Variants in EML6 observed in about 807,000 individuals in gnomAD.
The protein encoded by EML6 is EMAP like 6.
In EML6, 154 loss-of-function variants were observed where a neutral mutation model predicts 240.1. The ratio of observed to expected loss-of-function variants is 0.64; its 90% CI spans 0.56 to 0.73. The LOEUF (loss-of-function observed/expected upper bound fraction) is 0.73, where lower values mean the gene tolerates loss of function less well. Ranked by LOEUF, EML6 falls within the 30% of genes least tolerant of loss-of-function variation. The pLI, the probability that EML6 is intolerant of heterozygous loss-of-function variation, is 0.00. For missense variants in EML6, 2,964 were observed against 2,474.6 expected (o/e 1.20, Z -4.20); for synonymous variants, 1,148 against 899.0 (o/e 1.28, Z -4.95).
At chr2:54,779,972 G>A (rs1167846532) in intron 2 of EML6, among the ~76,000 whole-genome samples, 1 of 151,838 alleles carries the variant, frequency 6.6e-6, no homozygotes, top group Non-Finnish European at 1.5e-5. Context: ...CAAGATGATT[G>A]TAAAACCTTC....
At position 54,970,302 on chromosome 2, in the gene EML6, T is replaced by C. The variant is rs1271889893; in HGVS notation, c.*207T>C. ...CGTGATGCCACGAAGGAAGGTCAAGTTTTAAAATGTTAAAGACTGCTTGCC... is the reference window on the plus strand; with the variant it reads ...CGTGATGCCACGAAGGAAGGTCAAGCTTTAAAATGTTAAAGACTGCTTGCC... On this transcript the variant is annotated 3_prime_UTR_variant, in exon 42 of 42. Transcript: ENST00000356458. 1 of 603,986 alleles carries C rather than the reference T, an allele frequency of 1.7e-6. No individual in the cohort carries two copies. Among genetic ancestry groups the C allele is most frequent in the Non-Finnish European group, 3.0e-6 (1 of 338,860 alleles). 37.4% of individuals were successfully genotyped at this position (603,986 alleles called of 1,614,324 possible).
intron 28 of EML6, among the ~76,000 whole-genome samples, chr2:54,936,028 C>T (rs991312113): frequency 7.2e-5 from 11 of 152,120 alleles, no homozygotes; most frequent in Admixed American, 3.3e-4. Flanking sequence ...AGACCCTGTC[C>T]GTGAATGAAT....
intron 2 of EML6, among the ~76,000 whole-genome samples, chr2:54,742,676 C>T (rs1683707103): frequency 6.6e-6 from 1 of 152,206 alleles, no homozygotes; most frequent in Non-Finnish European, 1.5e-5. Flanking sequence ...GAATCTGATT[C>T]TACCACTTCT....
chr2:54,893,836 G>GTTGTTTTGTT (rs763925226), intron 19 of EML6, among the ~76,000 whole-genome samples: 1 of 152,084 alleles, frequency 6.6e-6, no homozygotes, highest in Admixed American at 6.6e-5. Context: ...TGGCAAAGGT[G>GTTGTTTTGTT]TTGTTTTGTT....
chr2:54,836,849 C>A (rs1044322136), intron 7 of EML6, among the ~76,000 whole-genome samples: 2 of 152,142 alleles, frequency 1.3e-5, no homozygotes, highest in African/African-American at 4.8e-5. Context: ...TGGGGAGATG[C>A]ATGTCTTTCC....
At chr2:54,790,416 C>G (rs889708892) in intron 2 of EML6, among the ~76,000 whole-genome samples, 5 of 152,150 alleles carry the variant, frequency 3.3e-5, no homozygotes, top group Admixed American at 2.0e-4. Flanking sequence ...GTGAGCTGTA[C>G]TCTGAATTGC....
At chr2:54,734,206 CG>C (rs1558513860) in intron 2 of EML6, among the ~76,000 whole-genome samples, 1 of 152,082 alleles carries the variant, frequency 6.6e-6, no homozygotes, top group Admixed American at 6.6e-5. Context: ...GGCATGATGG[CG>C]GGTGCCTGTA....
rs543799816 is a variant in EML6 at position 54,732,598 on chromosome 2, A to G, written c.197+7340A>G. 9.4e-4 allele frequency among the ~76,000 whole-genome samples: 143 copies of G among 152,312 alleles called. 2 individuals carry two copies. The highest frequency in any genetic ancestry group is 3.2e-3 in the African/African-American group (134 of 41,572). ...TTAGATGCCCACAGCCTTTGAATTC[A>G]GCCAGTAGGGGACTAACTTCTCCCA... On this transcript the variant is annotated intron_variant, in intron 2 of 41. Transcript: ENST00000356458.
At chr2:54,756,452 A>G (rs1450862705) in intron 2 of EML6, among the ~76,000 whole-genome samples, 6 of 152,156 alleles carry the variant, frequency 3.9e-5, no homozygotes, top group African/African-American at 1.4e-4. Flanking sequence ...TTATGTTTTT[A>G]TGTCTGTGAG....
At chr2:54,813,074 A>G (rs559865302) in intron 2 of EML6, among the ~76,000 whole-genome samples, 158 bp from the exon 3 acceptor site, 14 of 152,342 alleles carry the variant, frequency 9.2e-5, no homozygotes, top group South Asian at 4.1e-4. Context: ...GAACATTTCA[A>G]TTAGTCAAAT....
At chr2:54,869,788 T>C (rs1671157740) in intron 15 of EML6, among the ~76,000 whole-genome samples, 1 of 152,364 alleles carries the variant, frequency 6.6e-6, no homozygotes, top group African/African-American at 2.4e-5. Flanking sequence ...GACTTTTGAC[T>C]AATTTGTATT....
At position 54,903,187 on chromosome 2, in the gene EML6, T is replaced by G; in HGVS notation, c.3268T>G (p.Phe1090Val). ...HRKEMISDIK[F>V]SKDTGKYLAV... is the part of the protein sequence containing the mutation. Reference sequence around the variant, plus strand: ...AAAAGAAATGATCTCTGATATTAAGTTTTCAAAAGGTGAAGATGACAGCAG... The same window carrying G: ...AAAAGAAATGATCTCTGATATTAAGGTTTCAAAAGGTGAAGATGACAGCAG... Residue 1090 changes from phenylalanine (F) to valine (V), a missense_variant, in exon 23 of 42, where the codon TTT (phenylalanine) becomes GTT (valine). Transcript: ENST00000356458. The G allele has an allele frequency of 6.4e-7, 1 of 1,551,786 alleles. No individual in the cohort carries two copies. The highest frequency in any genetic ancestry group is 8.7e-7 in the Non-Finnish European group (1 of 1,146,920).
At chr2:54,956,445 T>A (rs950615893) in intron 32 of EML6, among the ~76,000 whole-genome samples, 1 of 152,232 alleles carries the variant, frequency 6.6e-6, no homozygotes, top group African/African-American at 2.4e-5. Context: ...AGATCTCTAA[T>A]GTTAATCCTC....
In EML6 at chr2:54,871,467, T is replaced by C. The variant is rs1573039529; in HGVS notation, c.2239-33T>C. The C allele has an allele frequency of 5.5e-6, 8 of 1,447,512 alleles. No homozygotes were observed. The East Asian group carries it at 1.7e-4, about 31-fold the overall frequency. 89.7% of individuals were successfully genotyped at this position (1,447,512 alleles called of 1,614,324 possible). A position where few individuals can be genotyped will look rare whatever the true frequency, so the allele number is the denominator to read the frequency against. On this transcript the variant is annotated intron_variant, in intron 15 of 41. Coordinates refer to ENST00000356458, the MANE Select transcript of EML6 (RefSeq NM_001039753.4). ...CAAAATCATTGTTAGTATAACGTGTTAGTAGTTAATAACAGTCATTCTGTT... is the reference window on the plus strand; with the variant it reads ...CAAAATCATTGTTAGTATAACGTGTCAGTAGTTAATAACAGTCATTCTGTT...
At chr2:54,733,647 G>A (rs565957866) in intron 2 of EML6, among the ~76,000 whole-genome samples, 2 of 152,202 alleles carry the variant, frequency 1.3e-5, no homozygotes, top group South Asian at 4.2e-4. Context: ...TTTTGCACAT[G>A]GCCACCCTCC....
chr2:54,742,409 A>G (rs1683688983), intron 2 of EML6, among the ~76,000 whole-genome samples: 1 of 152,214 alleles, frequency 6.6e-6, no homozygotes, highest in Non-Finnish European at 1.5e-5. Flanking sequence ...TGGCAGATTC[A>G]TATAAGCCAA....
chr2:54,809,408 C>T (rs899028280), intron 2 of EML6, among the ~76,000 whole-genome samples: 2 of 152,208 alleles, frequency 1.3e-5, no homozygotes, highest in Non-Finnish European at 2.9e-5. Flanking sequence ...GGCCATTTCT[C>T]ATGAGATCTT....
chr2:54,811,419 G>A (rs1008170974), intron 2 of EML6, among the ~76,000 whole-genome samples: 1 of 152,138 alleles, frequency 6.6e-6, no homozygotes, highest in Admixed American at 6.5e-5. Context: ...TCTTTCATAT[G>A]AACTCGTGTC....
intron 13 of EML6, among the ~76,000 whole-genome samples, chr2:54,864,633 G>A (rs1670867601): frequency 6.6e-6 from 1 of 152,202 alleles, no homozygotes; most frequent in Non-Finnish European, 1.5e-5. Flanking sequence ...TCAAATTTCA[G>A]ATACATGAAC....
Sources: allele counts gnomAD v4.1 joint callset (sites outside exome capture counted in the v4.1 genomes callset), GRCh38; gene constraint gnomAD v4.1.1; transcripts MANE v1.5; gene names NCBI Gene and HGNC (gene_info 2026-07-23, HGNC 2026-07-21).